BARHL1: variants seen among roughly 807,000 people sequenced by gnomAD.
BARHL1 encodes the protein barH-like 1 homeobox protein.
In BARHL1, 2 loss-of-function variants were observed where a neutral mutation model predicts 20.1. The observed-to-expected ratio is 0.10, with a 90% CI of 0.04 to 0.31. The LOEUF is 0.31. Among genes scored for constraint, BARHL1 ranks in the 10% least tolerant of loss-of-function variants. The pLI is 1.00. For synonymous variants in BARHL1, 213 were observed against 209.9 expected, an observed-to-expected ratio of 1.01 and a Z score of -0.13; for missense variants, 397 against 454.0, an observed-to-expected ratio of 0.87 and a Z score of 1.14.
At chr9:132,585,808 C>T (rs1274982149) in intron 1 of BARHL1, among the ~76,000 whole-genome samples, 2 of 152,228 alleles carry the variant, frequency 1.3e-5, no homozygotes, top group South Asian at 2.1e-4. Flanking sequence ...GAATACCTCC[C>T]GACCTCCAAC....
Position 132,587,512 on chromosome 9 carries a change from TCA to T in BARHL1, c.652_653del (p.Thr218ArgfsTer14), listed in dbSNP as rs776783765. 6.2e-7 allele frequency: 1 copy of T among 1,612,468 alleles called. No homozygotes were observed. Among genetic ancestry groups the T allele is most frequent in the African/African-American group, 1.3e-5 (1 of 75,012 alleles). On this transcript the variant is annotated frameshift_variant, in exon 2 of 3. Transcript: ENST00000263610. LOFTEE classifies it high-confidence loss of function. The surrounding 1 kb of genome is among the most constrained non-coding windows in gnomAD (Gnocchi z 5.5). The stretch of plus-strand genomic sequence containing the variant: ...ATGGAGCTCGCCGCCTCGCTCAACC[TCA>T]CCGACACGCAGGTCAAGACCTGGTA...
At position 132,589,273 on chromosome 9, in the gene BARHL1, G is replaced by A. The variant is rs756231019; in HGVS notation, c.735G>A (p.Ala245=). The change falls in exon 3 of 3, where the codon GCG becomes GCA. Residue 245 remains alanine (A), a synonymous_variant. Coordinates refer to ENST00000263610, the MANE Select transcript of BARHL1 (RefSeq NM_020064.4). ...RQTAVGLELL[A]EAGNYSALQR... ...CGGCCGTCGGGTTGGAGCTGCTGGC[G>A]GAGGCAGGCAATTACTCAGCGCTCC... 6 of 1,612,990 alleles carry A rather than the reference G, an allele frequency of 3.7e-6. No individual in the cohort carries two copies. The highest frequency in any genetic ancestry group is 2.7e-5 in the African/African-American group (2 of 75,038).
chr9:132,584,053 C>G (rs1159439279), intron 1 of BARHL1, among the ~76,000 whole-genome samples: 1 of 151,064 alleles, frequency 6.6e-6, no homozygotes, highest in African/African-American at 2.4e-5. Flanking sequence ...TATGAATCTT[C>G]GTTGTTGTTT....
At position 132,587,248 on chromosome 9, in the gene BARHL1, T is replaced by C; in HGVS notation, c.467-81T>C. The C allele has an allele frequency of 7.5e-7, 1 of 1,338,994 alleles. No homozygotes were observed. The highest frequency in any genetic ancestry group is 1.3e-5 in the South Asian group (1 of 74,518). The allele number at this position is 1,338,994 out of a possible 1,614,324, so 82.9% of individuals were successfully genotyped here. On this transcript the variant is annotated intron_variant, in intron 1 of 2. Coordinates refer to ENST00000263610, the MANE Select transcript of BARHL1 (RefSeq NM_020064.4). The surrounding 1 kb of genome is among the most constrained non-coding windows in gnomAD (Gnocchi z 5.5). ...AACCACCGCTGTCGGAAGCCGAGGT[T>C]ACACAAACGCCACGGGCAGGAGCGG... is the stretch of plus-strand genomic sequence containing the variant.
intron 1 of BARHL1, among the ~76,000 whole-genome samples, chr9:132,586,383 GAGA>G (rs946166366): frequency 9.2e-5 from 14 of 152,374 alleles, no homozygotes; most frequent in Admixed American, 2.6e-4. Flanking sequence ...GCTTTAGAGG[GAGA>G]AGGAGGGTGA....
chr9:132,582,737 G>A lies in BARHL1; in HGVS notation c.-61G>A. ...CAGCCCGCAGCTAGGGGCAGGGGCA[G>A]CGGCGGCTGGGGTTGGGGGTGGGTG... is the stretch of plus-strand genomic sequence containing the variant. On this transcript the variant is annotated 5_prime_UTR_variant, in exon 1 of 3. Coordinates refer to ENST00000263610, the MANE Select transcript of BARHL1 (RefSeq NM_020064.4). 1.4e-6 allele frequency: 2 copies of A among 1,416,242 alleles called. No homozygotes were observed. 87.7% of individuals were successfully genotyped at this position (1,416,242 alleles called of 1,614,324 possible).
chr9:132,586,220 T>C (rs1830143163), intron 1 of BARHL1, among the ~76,000 whole-genome samples: 1 of 152,156 alleles, frequency 6.6e-6, no homozygotes, highest in African/African-American at 2.4e-5. Flanking sequence ...CAGAGAGAAA[T>C]CACCTTGCAT....
chr9:132,588,649 G>A (rs1589939056), intron 2 of BARHL1, among the ~76,000 whole-genome samples: 2 of 152,246 alleles, frequency 1.3e-5, no homozygotes. Flanking sequence ...AGCCCTGGAG[G>A]ATGGCAGGTG....
Position 132,588,222 on chromosome 9 carries a change from ACACT to A in BARHL1, c.689+674_689+677del, listed in dbSNP as rs1428372789. On this transcript the variant is annotated intron_variant, in intron 2 of 2. Transcript: ENST00000263610. ...AATGTACAAACACAGAGGCATCCAC[ACACT>A]CAACCCAAATAGCCACACACCGACA... is the stretch of plus-strand genomic sequence containing the variant. Among the ~76,000 whole-genome samples the A allele has an allele frequency of 3.9e-5, 6 of 152,138 alleles. 1 individual carries two copies. Among genetic ancestry groups the A allele is most frequent in the Admixed American group, 2.0e-4 (3 of 15,280 alleles).
chr9:132,587,418 A>G lies in BARHL1; in HGVS notation c.556A>G (p.Thr186Ala). The change falls in exon 2 of 3, where the codon ACC becomes GCC. Residue 186 changes from threonine (T) to alanine (A), a missense_variant. Transcript: ENST00000263610. The surrounding 1 kb of genome is among the most constrained non-coding windows in gnomAD (Gnocchi z 5.5). Reference sequence around the variant, plus strand: ...GCCACGCAAGGCGCGCACGGCCTTCACCGACCATCAGCTGGCGCAGCTGGA... The same window carrying G: ...GCCACGCAAGGCGCGCACGGCCTTCGCCGACCATCAGCTGGCGCAGCTGGA... ...KKPRKARTAFTDHQLAQLERS... is the reference protein window; with the variant it reads ...KKPRKARTAFADHQLAQLERS... The G allele has an allele frequency of 6.2e-7, 1 of 1,612,658 alleles. No individual in the cohort carries two copies. The highest frequency in any genetic ancestry group is 8.5e-7 in the Non-Finnish European group (1 of 1,179,762).
chr9:132,585,012 T>C (rs1014389506), intron 1 of BARHL1, among the ~76,000 whole-genome samples: 4 of 152,252 alleles, frequency 2.6e-5, no homozygotes, highest in Non-Finnish European at 4.4e-5. Context: ...GAACTGGAGA[T>C]AGTGAGGCCC....
rs757959542 is a variant in BARHL1 at position 132,583,050 on chromosome 9, G to A, written c.253G>A (p.Ala85Thr). 15 of 1,613,748 alleles carry A rather than the reference G, an allele frequency of 9.3e-6. No homozygotes were observed. Among genetic ancestry groups the A allele is most frequent in the South Asian group, 7.7e-5 (7 of 91,092 alleles). The change falls in exon 1 of 3, where the codon GCC (alanine) becomes ACC (threonine). Residue 85 changes from alanine to threonine, a missense_variant. By Grantham distance (58) the Ala-to-Thr change is moderately conservative. Coordinates refer to ENST00000263610, the MANE Select transcript of BARHL1 (RefSeq NM_020064.4). ...CCACCTGCAGCCCGGGCAGCTCTCA[G>A]CCCCGGCCCAGTCGCGCACCGTCAC... ...DSHLQPGQLS[A>T]PAQSRTVTSS...
chr9:132,586,931 G>A (rs1427819603), intron 1 of BARHL1, among the ~76,000 whole-genome samples: 1 of 152,244 alleles, frequency 6.6e-6, no homozygotes, highest in Admixed American at 6.5e-5. Context: ...GGGCCCAGAC[G>A]CGGAGCTCAC....
intron 2 of BARHL1, among the ~76,000 whole-genome samples, chr9:132,588,874 C>T (rs970220964): frequency 5.9e-5 from 9 of 152,156 alleles, no homozygotes; most frequent in African/African-American, 1.2e-4. Context: ...GCACCCCCTA[C>T]CCAGCTCCAA....
In BARHL1 at chr9:132,585,151, T is replaced by G. The variant is rs78914475; in HGVS notation, c.466+1888T>G. ...ATCGGGAGGTGACGAGGGCCGGCTG[T>G]CTACATATCGCTTAAATAGGTTTGG... On this transcript the variant is annotated intron_variant, in intron 1 of 2. Coordinates refer to ENST00000263610, the MANE Select transcript of BARHL1 (RefSeq NM_020064.4). Among the ~76,000 whole-genome samples, 898 of 152,292 alleles carry G rather than the reference T, an allele frequency of 5.9e-3. 10 individuals carry two copies. Among genetic ancestry groups the G allele is most frequent in the African/African-American group, 0.021 (859 of 41,548 alleles).
chr9:132,582,998 C>T lies in BARHL1; in HGVS notation c.201C>T (p.Gly67=), dbSNP rs1564259891. The T allele has an allele frequency of 1.2e-5, 20 of 1,613,728 alleles. No individual in the cohort carries two copies. Among genetic ancestry groups the T allele is most frequent in the Admixed American group, 1.7e-5 (1 of 60,024 alleles). ...DCLETGTPRP[G]GASGPGLDSH... is the part of the protein sequence containing the mutation. ...TGGAGACGGGGACCCCACGGCCTGG[C>T]GGGGCATCCGGCCCAGGTTTGGACT... The change falls in exon 1 of 3, where the codon GGC becomes GGT. Residue 67 remains glycine (G), a synonymous_variant. Coordinates refer to ENST00000263610, the MANE Select transcript of BARHL1 (RefSeq NM_020064.4).
chr9:132,589,357 C>T lies in BARHL1; in HGVS notation c.819C>T (p.Pro273=), dbSNP rs773109875. ...AGAGTCTGGTTTCCAACCTGGACCC[C>T]GGCGCGGCGCTCTACCTGTACCGCG... ...YPQSLVSNLD[P]GAALYLYRGP... is the part of the protein sequence containing the mutation. Residue 273 remains proline (P), a synonymous_variant, in exon 3 of 3, where the codon CCC becomes CCT. Coordinates refer to ENST00000263610, the MANE Select transcript of BARHL1 (RefSeq NM_020064.4). 3 of 1,613,378 alleles carry T rather than the reference C, an allele frequency of 1.9e-6. No homozygotes were observed. The South Asian group carries it at 3.3e-5, about 18-fold the overall frequency.
chr9:132,583,367 T>G, intron 1 of BARHL1, 104 bp downstream of exon 1: 12 of 1,034,130 alleles, frequency 1.2e-5, no homozygotes, highest in Non-Finnish European at 1.5e-5. Context: ...ACCTGGGGGC[T>G]CCCCCAGGGC....
chr9:132,583,834 TC>T (rs1830100810), intron 1 of BARHL1, among the ~76,000 whole-genome samples: 1 of 152,150 alleles, frequency 6.6e-6, no homozygotes, highest in Admixed American at 6.5e-5. Flanking sequence ...AGCAGAAACC[TC>T]AGCCAGGAAG....
Sources: allele counts gnomAD v4.1 joint callset (sites outside exome capture counted in the v4.1 genomes callset), GRCh38; gene constraint gnomAD v4.1.1; non-coding constraint Gnocchi (gnomAD v3.1); transcripts MANE v1.5; gene names NCBI Gene and HGNC (gene_info 2026-07-23, HGNC 2026-07-21).